Variants in NEGR1 observed in about 807,000 individuals in gnomAD.
NEGR1 encodes the protein IgLON family member 4.
In NEGR1, 10 loss-of-function variants were observed where a neutral mutation model predicts 40.9. That is an observed-to-expected ratio of 0.24 (90% CI 0.15 to 0.42). NEGR1 has a LOEUF of 0.42. Among genes scored for constraint, NEGR1 ranks in the 10% least tolerant of loss-of-function variants. The pLI is 1.00. For synonymous variants in NEGR1, 185 were observed against 166.8 expected, an observed-to-expected ratio of 1.11 and a Z score of -0.84; for missense variants, 352 against 438.9, an observed-to-expected ratio of 0.80 and a Z score of 1.77.
chr1:72,118,957 T>A (rs919777419), intron 1 of NEGR1, among the ~76,000 whole-genome samples: 1 of 151,742 alleles, frequency 6.6e-6, no homozygotes. Context: ...AAAACTTGCA[T>A]TTTTCTGGTT....
intron 6 of NEGR1, among the ~76,000 whole-genome samples, chr1:71,582,814 C>T (rs911902476): frequency 2.6e-5 from 4 of 152,190 alleles, no homozygotes; most frequent in African/African-American, 9.7e-5. Flanking sequence ...AAGCTGAAAG[C>T]GCACAGAATT....
intron 1 of NEGR1, among the ~76,000 whole-genome samples, chr1:72,060,459 C>A (rs915803525): frequency 6.6e-6 from 1 of 151,666 alleles, no homozygotes; most frequent in Non-Finnish European, 1.5e-5. Flanking sequence ...CACAATTAGC[C>A]TCTAACCTAA....
intron 3 of NEGR1, among the ~76,000 whole-genome samples, chr1:71,749,540 G>A (rs766667839): frequency 4.6e-5 from 7 of 152,082 alleles, no homozygotes; most frequent in Non-Finnish European, 8.8e-5. Flanking sequence ...TTGAGCTCGT[G>A]TCCCTGACAT....
intron 2 of NEGR1, among the ~76,000 whole-genome samples, chr1:71,792,707 T>TA (rs1431251136): frequency 2.0e-5 from 3 of 152,138 alleles, no homozygotes; most frequent in Non-Finnish European, 4.4e-5. Context: ...AATACTGTGC[T>TA]AGGATTTTAA....
At chr1:71,704,113 T>G (rs946685573) in intron 3 of NEGR1, among the ~76,000 whole-genome samples, 26 of 151,770 alleles carry the variant, frequency 1.7e-4, no homozygotes, top group African/African-American at 6.3e-4. Flanking sequence ...ACTTCTTGTT[T>G]AAAACTATGC....
intron 6 of NEGR1, among the ~76,000 whole-genome samples, chr1:71,451,591 C>T (rs1035354555): frequency 2.0e-5 from 3 of 152,120 alleles, no homozygotes; most frequent in African/African-American, 7.2e-5. Flanking sequence ...CCACCTCAGC[C>T]TCCCAAAGTG....
intron 2 of NEGR1, among the ~76,000 whole-genome samples, chr1:71,855,867 TA>T (rs1447870293): frequency 6.6e-6 from 1 of 152,058 alleles, no homozygotes; most frequent in Non-Finnish European, 1.5e-5. Flanking sequence ...TGGAGTATGT[TA>T]GAAATTTCAG....
intron 1 of NEGR1, among the ~76,000 whole-genome samples, chr1:72,004,954 G>A (rs1016417281): frequency 6.6e-6 from 1 of 152,086 alleles, no homozygotes; most frequent in Non-Finnish European, 1.5e-5. Flanking sequence ...TTTTATGGTA[G>A]TCATGTTACA....
chr1:71,672,361 A>G (rs1035728275), intron 4 of NEGR1, among the ~76,000 whole-genome samples: 3 of 152,180 alleles, frequency 2.0e-5, no homozygotes, highest in Middle Eastern at 6.3e-3. Context: ...AAGTTAAGAC[A>G]CTCATGAGTA....
intron 1 of NEGR1, among the ~76,000 whole-genome samples, chr1:71,942,051 C>A: frequency 6.7e-6 from 1 of 149,760 alleles, no homozygotes; most frequent in Non-Finnish European, 1.5e-5. Context: ...GGAGTTATGC[C>A]AAGTTGGGTA....
chr1:71,783,904 G>A (rs1456106004), intron 2 of NEGR1, among the ~76,000 whole-genome samples: 1 of 151,644 alleles, frequency 6.6e-6, no homozygotes, highest in Non-Finnish European at 1.5e-5. Context: ...CCCATCTCAG[G>A]GTGACTAATC....
intron 6 of NEGR1, among the ~76,000 whole-genome samples, chr1:71,453,251 T>C (rs1286294892): frequency 6.6e-6 from 1 of 152,122 alleles, no homozygotes; most frequent in East Asian, 1.9e-4. Context: ...CTTCTACAAG[T>C]TCTGTGTCAT....
At chr1:72,011,032 AGTAAC>A (rs1646652715) in intron 1 of NEGR1, among the ~76,000 whole-genome samples, 1 of 152,174 alleles carries the variant, frequency 6.6e-6, no homozygotes, top group Non-Finnish European at 1.5e-5. Context: ...TAAGGAATAA[AGTAAC>A]AAGAGAAAAA....
intron 1 of NEGR1, among the ~76,000 whole-genome samples, chr1:72,258,496 T>C (rs1655350781): frequency 6.6e-6 from 1 of 152,090 alleles, no homozygotes; most frequent in South Asian, 2.1e-4. Context: ...AAAAAAGCTG[T>C]AGAAAATAGA....
chr1:72,067,003 A>C (rs941228749), intron 1 of NEGR1, among the ~76,000 whole-genome samples: 4 of 152,022 alleles, frequency 2.6e-5, no homozygotes, highest in African/African-American at 4.8e-5. Flanking sequence ...TTTTTGCCAT[A>C]AGTTCCTAGT....
chr1:71,902,295 G>A (rs1406271145), intron 2 of NEGR1, among the ~76,000 whole-genome samples: 1 of 152,158 alleles, frequency 6.6e-6, no homozygotes, highest in Non-Finnish European at 1.5e-5. Context: ...CTAAAGACAT[G>A]TATTCGTTAA....
At chr1:72,264,686 A>C (rs1287056730) in intron 1 of NEGR1, among the ~76,000 whole-genome samples, 1 of 150,788 alleles carries the variant, frequency 6.6e-6, no homozygotes, top group African/African-American at 2.4e-5. Context: ...AAAACTTTTT[A>C]AATATTTTAT....
At chr1:71,689,051 T>G (rs1159267117) in intron 4 of NEGR1, among the ~76,000 whole-genome samples, 2 of 152,194 alleles carry the variant, frequency 1.3e-5, no homozygotes, top group African/African-American at 4.8e-5. Context: ...ATAAACAGAA[T>G]TTCTCCTTTA....
In NEGR1 at chr1:72,133,261, G is replaced by A. The variant is rs570497884; in HGVS notation, c.176+149058C>T. 3.4e-4 allele frequency among the ~76,000 whole-genome samples: 52 copies of A among 152,062 alleles called. No homozygotes were observed. The Middle Eastern group carries it at 0.024, about 71-fold the overall frequency. On this transcript the variant is annotated intron_variant, in intron 1 of 6. Coordinates refer to ENST00000357731, the MANE Select transcript of NEGR1 (RefSeq NM_173808.3). The stretch of plus-strand genomic sequence containing the variant: ...TTCCTACAACCTAATTTGTTGCCTA[G>A]AAACAAAATCTTTTGATATGCATTG...
Sources: allele counts gnomAD v4.1 joint callset (sites outside exome capture counted in the v4.1 genomes callset), GRCh38; gene constraint gnomAD v4.1.1; transcripts MANE v1.5; gene names NCBI Gene and HGNC (gene_info 2026-07-23, HGNC 2026-07-21).